The following SPEF2 variants were observed in gnomAD, a reference collection of about 807,000 sequenced individuals.
SPEF2 encodes sperm flagellar and cilia associated 2.
A neutral mutation model predicts 224.6 loss-of-function variants in SPEF2; 187 were observed. The observed-to-expected ratio is 0.83, with a 90% CI of 0.74 to 0.94. The LOEUF is 0.94. SPEF2 is among the 40% of genes least tolerant of loss of function. The probability of loss-of-function intolerance (pLI) is 0.00; values close to 1 mark genes in which losing one functional copy is unlikely to be tolerated. For missense variants in SPEF2, 2,170 were observed against 2,135.6 expected (o/e 1.02, Z -0.32); for synonymous variants, 715 against 707.3 (o/e 1.01, Z -0.17).
intron 32 of SPEF2, among the ~76,000 whole-genome samples, chr5:35,793,884 A>G (rs1756302261): frequency 6.6e-6 from 1 of 152,170 alleles, no homozygotes; most frequent in South Asian, 2.1e-4. Context: ...GTCCAATCTA[A>G]TATGGCCCAT....
In SPEF2 at chr5:35,691,175, T is replaced by C; in HGVS notation, c.1663T>C (p.Leu555=). ...TCGAGCGGAATCAACAACACCTGAA[T>C]TACCTTCATTTGCTGTTAAAGGATG... ...PPRAESTTPE[L]PSFAVKGCLL... is the part of the protein sequence containing the mutation. The change falls in exon 11 of 37, where the codon TTA becomes CTA. Residue 555 remains leucine, a synonymous_variant. Transcript: ENST00000356031. The C allele has an allele frequency of 1.2e-6, 2 of 1,614,052 alleles. No homozygotes were observed. Among genetic ancestry groups the C allele is most frequent in the Admixed American group, 1.7e-5 (1 of 60,000 alleles).
intron 2 of SPEF2, 44 bp from the exon 3 acceptor site, chr5:35,641,382 CTTTAA>C (rs1746599544): frequency 1.3e-6 from 2 of 1,547,724 alleles, no homozygotes; most frequent in Non-Finnish European, 1.8e-6. Context: ...TGTTGTTTGT[CTTTAA>C]TTTAATGCTA....
intron 16 of SPEF2, among the ~76,000 whole-genome samples, chr5:35,703,059 G>GA (rs1162575903): frequency 1.4e-5 from 2 of 147,120 alleles, no homozygotes; most frequent in Admixed American, 6.8e-5. Flanking sequence ...ATCTCTGAAA[G>GA]AAAAAAAAAG....
chr5:35,702,686 A>G (rs1738894467), intron 16 of SPEF2, among the ~76,000 whole-genome samples: 1 of 152,208 alleles, frequency 6.6e-6, no homozygotes, highest in Non-Finnish European at 1.5e-5. Context: ...CAAAGACTAT[A>G]AAAATTAAAA....
At chr5:35,779,994 A>G (rs1335950376) in intron 30 of SPEF2, among the ~76,000 whole-genome samples, 1 of 152,174 alleles carries the variant, frequency 6.6e-6, no homozygotes, top group Non-Finnish European at 1.5e-5. Flanking sequence ...TGATAGCACA[A>G]GTAATTCAGA....
At chr5:35,758,386 C>T (rs1029983425) in intron 24 of SPEF2, among the ~76,000 whole-genome samples, 1 of 152,054 alleles carries the variant, frequency 6.6e-6, no homozygotes, top group Non-Finnish European at 1.5e-5. Context: ...AGATATACAC[C>T]ATATTGTCCT....
At chr5:35,744,904 G>A (rs1174059771) in intron 23 of SPEF2, among the ~76,000 whole-genome samples, 1 of 152,132 alleles carries the variant, frequency 6.6e-6, no homozygotes. Flanking sequence ...ATCCCGAGAG[G>A]ACTCACAGAC....
chr5:35,729,880 C>A (rs7704144), intron 21 of SPEF2, among the ~76,000 whole-genome samples: 3 of 152,146 alleles, frequency 2.0e-5, no homozygotes, highest in Middle Eastern at 3.4e-3. Context: ...GCCGCTGCCA[C>A]GTAAGAAGTG....
At chr5:35,785,737 T>G (rs1171945062) in intron 30 of SPEF2, among the ~76,000 whole-genome samples, 1 of 151,456 alleles carries the variant, frequency 6.6e-6, no homozygotes, top group Non-Finnish European at 1.5e-5. Flanking sequence ...TCTTTTTTTT[T>G]TTTGTAGAAA....
At chr5:35,741,772 T>A (rs1197031589) in intron 23 of SPEF2, among the ~76,000 whole-genome samples, 1 of 152,194 alleles carries the variant, frequency 6.6e-6, no homozygotes, top group Non-Finnish European at 1.5e-5. Flanking sequence ...TGCCTATTCT[T>A]TGACACTCCT....
intron 1 of SPEF2, among the ~76,000 whole-genome samples, chr5:35,624,660 C>T (rs544461714): frequency 4.6e-5 from 7 of 152,104 alleles, no homozygotes; most frequent in South Asian, 4.2e-4. Context: ...TTTTTTGAGA[C>T]GGAGTCTTGC....
chr5:35,772,765 C>G (rs1050351727), intron 27 of SPEF2, among the ~76,000 whole-genome samples: 2 of 152,140 alleles, frequency 1.3e-5, no homozygotes, highest in African/African-American at 4.8e-5. Flanking sequence ...GGGGTCTGAT[C>G]CCTTAATTTT....
chr5:35,759,358 C>T (rs145651583), intron 24 of SPEF2, among the ~76,000 whole-genome samples: 1 of 152,100 alleles, frequency 6.6e-6, no homozygotes, highest in African/African-American at 2.4e-5. Flanking sequence ...AATCATGTTC[C>T]GTAAATATAG....
intron 2 of SPEF2, among the ~76,000 whole-genome samples, chr5:35,633,314 C>T (rs1745383074): frequency 6.6e-6 from 1 of 151,978 alleles, no homozygotes; most frequent in African/African-American, 2.4e-5. Flanking sequence ...TTTGTGGCTC[C>T]ATTGTTAGAT....
chr5:35,666,382 A>G (rs1750462002), intron 8 of SPEF2, among the ~76,000 whole-genome samples: 1 of 152,206 alleles, frequency 6.6e-6, no homozygotes, highest in Non-Finnish European at 1.5e-5. Context: ...TGTGAAGAAA[A>G]GATTCCCTAA....
chr5:35,814,018 A>G (rs1408691307), intron 36 of SPEF2, among the ~76,000 whole-genome samples: 1 of 152,234 alleles, frequency 6.6e-6, no homozygotes, highest in East Asian at 1.9e-4. Context: ...TGAAAGAATG[A>G]GACAATTTCA....
chr5:35,641,520 G>T lies in SPEF2; in HGVS notation c.251G>T (p.Gly84Val), dbSNP rs1561117217. The T allele has an allele frequency of 1.9e-6, 3 of 1,613,780 alleles. No homozygotes were observed. In the East Asian group the frequency reaches 6.7e-5, roughly 36 times the overall value. Reference protein sequence around the residue: ...GVQFDQNVAHGIITEKPGVAT... With the variant: ...GVQFDQNVAHVIITEKPGVAT... ...CAGTTTGATCAGAATGTGGCCCATGGCATCATCACAGAAAAGCCTGGGGTG... is the reference window on the plus strand; with the variant it reads ...CAGTTTGATCAGAATGTGGCCCATGTCATCATCACAGAAAAGCCTGGGGTG... Residue 84 changes from glycine (G) to valine (V), a missense_variant, in exon 3 of 37, where the codon GGC becomes GTC. Transcript: ENST00000356031.
intron 10 of SPEF2, among the ~76,000 whole-genome samples, chr5:35,673,776 C>T (rs1380839356): frequency 3.3e-5 from 5 of 152,120 alleles, no homozygotes; most frequent in African/African-American, 1.2e-4. Flanking sequence ...TTTTTATTAA[C>T]ATTATTTTTG....
intron 23 of SPEF2, among the ~76,000 whole-genome samples, chr5:35,751,094 C>CATAT (rs1442886154): frequency 9.6e-5 from 2 of 20,882 alleles, no homozygotes; most frequent in African/African-American, 1.4e-4. Flanking sequence ...CACACACACA[C>CATAT]ACATATATAT....
Sources: gnomAD v4.1 joint callset for allele counts (sites outside exome capture counted in the v4.1 genomes callset) on GRCh38, gnomAD v4.1.1 for gene constraint, MANE v1.5 for transcripts, NCBI Gene and HGNC (gene_info 2026-07-23, HGNC 2026-07-21) for gene names.